Variants in TAFA4 observed in about 807,000 individuals in gnomAD.
TAFA4 encodes the protein chemokine-like protein TAFA-4.
Under a neutral mutation model 21.1 loss-of-function variants are expected in TAFA4, and 20 were observed. The ratio of observed to expected loss-of-function variants is 0.95; its 90% CI spans 0.67 to 1.38. The LOEUF (loss-of-function observed/expected upper bound fraction) is 1.38. TAFA4 is among the 40% of genes most tolerant of loss of function. The pLI, the probability that TAFA4 is intolerant of heterozygous loss-of-function variation, is 0.00. For missense variants in TAFA4, 211 were observed against 180.9 expected (o/e 1.17, Z -0.95); for synonymous variants, 71 against 67.4 (o/e 1.05, Z -0.26).
chr3:68,917,039 G>C (rs539964603), intron 1 of TAFA4, among the ~76,000 whole-genome samples: 3 of 152,160 alleles, frequency 2.0e-5, no homozygotes, highest in African/African-American at 7.2e-5. Flanking sequence ...TGTGACGTAC[G>C]TAGCTAGCAT....
intron 3 of TAFA4, among the ~76,000 whole-genome samples, chr3:68,794,843 A>C (rs1355943625): frequency 6.6e-6 from 1 of 152,128 alleles, no homozygotes; most frequent in Admixed American, 6.6e-5. Context: ...ACTAATGCAG[A>C]GAGATAAGTC....
intron 1 of TAFA4, among the ~76,000 whole-genome samples, chr3:68,892,404 G>C (rs1420602845): frequency 1.3e-5 from 2 of 152,094 alleles, no homozygotes; most frequent in Non-Finnish European, 2.9e-5. Context: ...ATCTAAATTA[G>C]GTGGTAGAGA....
chr3:68,910,376 A>G (rs960133856), intron 1 of TAFA4, among the ~76,000 whole-genome samples: 11 of 152,236 alleles, frequency 7.2e-5, no homozygotes, highest in African/African-American at 2.7e-4. Context: ...AACTAATAGT[A>G]CAGTGGAATC....
chr3:68,883,252 T>C (rs747103857), intron 2 of TAFA4, among the ~76,000 whole-genome samples: 10 of 152,216 alleles, frequency 6.6e-5, no homozygotes, highest in Non-Finnish European at 1.3e-4. Flanking sequence ...GGACTCTCTG[T>C]ATTCCCCGTA....
At chr3:68,736,689 T>C (rs533331665) in intron 5 of TAFA4, among the ~76,000 whole-genome samples, 1 of 152,232 alleles carries the variant, frequency 6.6e-6, no homozygotes, top group South Asian at 2.1e-4. Context: ...TGGTGTAAGG[T>C]CAGTAACAAT....
chr3:68,913,628 G>A (rs2089980019), intron 1 of TAFA4: 1 of 152,208 alleles, frequency 6.6e-6, no homozygotes, highest in Non-Finnish European at 1.5e-5. Context: ...TTCAAGTCGT[G>A]AGCTGCTGGT....
chr3:68,760,589 G>A (rs967458475), intron 3 of TAFA4, among the ~76,000 whole-genome samples: 2 of 152,162 alleles, frequency 1.3e-5, no homozygotes, highest in Admixed American at 6.5e-5. Flanking sequence ...GAAGGCATCT[G>A]TTTGATTTGA....
chr3:68,930,668 G>A (rs2090150618), intron 1 of TAFA4, among the ~76,000 whole-genome samples: 1 of 152,164 alleles, frequency 6.6e-6, no homozygotes, highest in African/African-American at 2.4e-5. Context: ...CATTTTGGGA[G>A]GACACAAGTC....
At chr3:68,807,311 T>G (rs1230797547) in intron 3 of TAFA4, among the ~76,000 whole-genome samples, 1 of 152,242 alleles carries the variant, frequency 6.6e-6, no homozygotes, top group East Asian at 1.9e-4. Flanking sequence ...TGATAGTTCA[T>G]GTCTGTCTAT....
At chr3:68,916,929 C>T (rs2090009656) in intron 1 of TAFA4, among the ~76,000 whole-genome samples, 1 of 152,110 alleles carries the variant, frequency 6.6e-6, no homozygotes, top group Non-Finnish European at 1.5e-5. Flanking sequence ...CTATGGCTAC[C>T]CTGGTGAAAG....
intron 4 of TAFA4, among the ~76,000 whole-genome samples, chr3:68,742,243 A>C (rs1048414820): frequency 2.0e-5 from 3 of 152,268 alleles, no homozygotes; most frequent in Non-Finnish European, 4.4e-5. Flanking sequence ...ATACGACAAG[A>C]CATGGATATC....
chr3:68,805,695 T>C lies in TAFA4; in HGVS notation c.131-52677A>G, dbSNP rs1266132364. ...CTGGAAACCATCATTCTCAGCAAAC[T>C]ATCACAAGGACAAAAAACCAAACAC... On this transcript the variant is annotated intron_variant, in intron 3 of 5. Transcript: ENST00000295569. Among the ~76,000 whole-genome samples, 3 of 151,630 alleles carry C rather than the reference T, an allele frequency of 2.0e-5. No homozygotes were observed. The East Asian group carries it at 5.8e-4, about 29-fold the overall frequency.
At chr3:68,737,514 G>A (rs1244107706) in intron 5 of TAFA4, among the ~76,000 whole-genome samples, 1 of 152,102 alleles carries the variant, frequency 6.6e-6, no homozygotes, top group Non-Finnish European at 1.5e-5. Context: ...AATTCACGTT[G>A]AAAATGGTCT....
rs917434198 is a variant in TAFA4 at position 68,885,253 on chromosome 3, T to C, written c.-65A>G. ...ATTTCAGAGTGACTCCAAATTCCCATCTGTTGCTAGAACCAATCATTTCTG... is the reference window on the plus strand; with the variant it reads ...ATTTCAGAGTGACTCCAAATTCCCACCTGTTGCTAGAACCAATCATTTCTG... On this transcript the variant is annotated 5_prime_UTR_variant, in exon 2 of 6. It removes an upstream start codon present in the reference 5' UTR. Transcript: ENST00000295569. 1.8e-5 allele frequency: 27 copies of C among 1,528,750 alleles called. No individual in the cohort carries two copies. The highest frequency in any genetic ancestry group is 1.4e-4 in the African/African-American group (10 of 72,728). 94.7% of individuals were successfully genotyped at this position (1,528,750 alleles called of 1,614,324 possible).
intron 3 of TAFA4, among the ~76,000 whole-genome samples, chr3:68,775,238 G>A (rs1703028217): frequency 6.6e-6 from 1 of 152,148 alleles, no homozygotes; most frequent in Non-Finnish European, 1.5e-5. Flanking sequence ...CCTCCACTGG[G>A]TGCTCATGAG....
At chr3:68,771,917 T>G (rs762422245) in intron 3 of TAFA4, among the ~76,000 whole-genome samples, 6 of 152,210 alleles carry the variant, frequency 3.9e-5, no homozygotes, top group Non-Finnish European at 7.4e-5. Context: ...CCAAGAGAAT[T>G]GCTTCTTCAA....
chr3:68,749,175 G>A (rs6774520), intron 4 of TAFA4, among the ~76,000 whole-genome samples: 8,691 of 152,136 alleles, frequency 0.057, 567 homozygotes, highest in East Asian at 0.25. Flanking sequence ...AGTTAATTAT[G>A]ATAAAAAAGT....
At chr3:68,767,992 C>T (rs1366473641) in intron 3 of TAFA4, among the ~76,000 whole-genome samples, 1 of 151,778 alleles carries the variant, frequency 6.6e-6, no homozygotes, top group Non-Finnish European at 1.5e-5. Context: ...TTCAGATTTG[C>T]TTAAGCAGCC....
intron 3 of TAFA4, among the ~76,000 whole-genome samples, chr3:68,823,553 T>C (rs1296685243): frequency 1.3e-5 from 2 of 152,182 alleles, no homozygotes; most frequent in South Asian, 4.1e-4. Flanking sequence ...ATCACCTAGG[T>C]ATTAAGCCCA....
Sources: gnomAD v4.1 joint callset for allele counts (sites outside exome capture counted in the v4.1 genomes callset) on GRCh38, gnomAD v4.1.1 for gene constraint, MANE v1.5 for transcripts, NCBI Gene and HGNC (gene_info 2026-07-23, HGNC 2026-07-21) for gene names.